Variants in TBX15 observed in about 807,000 individuals in gnomAD.
TBX15 encodes T-box transcription factor TBX15.
Under a neutral mutation model 53.9 loss-of-function variants are expected in TBX15, and 18 were observed. The observed-to-expected ratio is 0.33, with a 90% CI of 0.23 to 0.49. The LOEUF is 0.49. Among genes scored for constraint, TBX15 ranks in the 20% least tolerant of loss-of-function variants. The probability of loss-of-function intolerance (pLI) is 0.98; values close to 1 mark genes in which losing one functional copy is unlikely to be tolerated. For synonymous variants in TBX15, 295 were observed against 278.0 expected, an observed-to-expected ratio of 1.06 and a Z score of -0.61; for missense variants, 692 against 749.5, an observed-to-expected ratio of 0.92 and a Z score of 0.90.
intron 1 of TBX15, among the ~76,000 whole-genome samples, chr1:118,938,017 G>A (rs574539070): frequency 2.0e-5 from 3 of 152,244 alleles, no homozygotes; most frequent in African/African-American, 7.2e-5. Context: ...AGATTTTATC[G>A]AGTATCTTAG....
intron 1 of TBX15, among the ~76,000 whole-genome samples, chr1:118,933,659 G>A (rs1260629622): frequency 3.3e-5 from 5 of 152,068 alleles, no homozygotes; most frequent in African/African-American, 1.2e-4. Flanking sequence ...CAGTAGCAGA[G>A]CCATTATATC....
At chr1:118,942,362 G>A (rs1750334) in intron 1 of TBX15, among the ~76,000 whole-genome samples, 9,452 of 152,208 alleles carry the variant, frequency 0.062, 346 homozygotes, top group Middle Eastern at 0.12. Context: ...AAATGTTTTC[G>A]TTGAATGAAT....
intron 1 of TBX15, among the ~76,000 whole-genome samples, chr1:118,958,928 C>A (rs967913524): frequency 2.0e-5 from 3 of 151,826 alleles, no homozygotes; most frequent in African/African-American, 7.3e-5. Context: ...GGGTAGAAGA[C>A]CGTGCTTATT....
chr1:118,920,764 C>T (rs1571175254), intron 5 of TBX15, among the ~76,000 whole-genome samples: 2 of 152,088 alleles, frequency 1.3e-5, no homozygotes, highest in Non-Finnish European at 2.9e-5. Context: ...AGGAACAGAA[C>T]AAGGGCAAAA....
chr1:118,899,162 A>G (rs779808141), intron 6 of TBX15, 37 bp from the exon 7 acceptor site: 39 of 1,574,028 alleles, frequency 2.5e-5, no homozygotes, highest in Admixed American at 1.0e-4. Context: ...AGTCATAAAT[A>G]ATTTCAAGAA....
chr1:118,958,192 G>A (rs998961840), intron 1 of TBX15, among the ~76,000 whole-genome samples: 2 of 152,200 alleles, frequency 1.3e-5, no homozygotes, highest in Admixed American at 6.5e-5. Context: ...AGTCATAAGG[G>A]TAGGGGTTGG....
At chr1:118,961,908 G>C (rs933660884) in intron 1 of TBX15, among the ~76,000 whole-genome samples, 3 of 152,168 alleles carry the variant, frequency 2.0e-5, no homozygotes, top group Admixed American at 6.5e-5. Context: ...GGTACCTATT[G>C]GTACCCATGC....
At chr1:118,888,365 C>G (rs1654020839) in intron 7 of TBX15, among the ~76,000 whole-genome samples, 1 of 152,192 alleles carries the variant, frequency 6.6e-6, no homozygotes, top group Non-Finnish European at 1.5e-5. Context: ...ACAACAAGTA[C>G]TTTCCATGGA....
At chr1:118,959,573 T>A (rs1656798556) in intron 1 of TBX15, among the ~76,000 whole-genome samples, 1 of 152,184 alleles carries the variant, frequency 6.6e-6, no homozygotes, top group Non-Finnish European at 1.5e-5. Flanking sequence ...CCTGTTTCAC[T>A]GCTGTTGTGT....
At chr1:118,979,770 C>T (rs956593228) in intron 1 of TBX15, among the ~76,000 whole-genome samples, 2 of 151,796 alleles carry the variant, frequency 1.3e-5, no homozygotes, top group African/African-American at 4.8e-5. Flanking sequence ...TTCCGGGTCC[C>T]GGGTTTCCAG....
At position 118,923,417 on chromosome 1, in the gene TBX15, C is replaced by G. The variant is rs778296371; in HGVS notation, c.861+19G>C. On this transcript the variant is annotated intron_variant, in intron 5 of 7. Transcript: ENST00000369429. Reference sequence around the variant, plus strand: ...CAAAAAACAGATGTAGCAGAAGACTCTCAAGGGCCACCTCTTACCTGCTGA... The same window carrying G: ...CAAAAAACAGATGTAGCAGAAGACTGTCAAGGGCCACCTCTTACCTGCTGA... 13 of 1,613,626 alleles carry G rather than the reference C, an allele frequency of 8.1e-6. No homozygotes were observed. Among genetic ancestry groups the G allele is most frequent in the Non-Finnish European group, 1.0e-5 (12 of 1,179,776 alleles).
At chr1:118,931,902 G>C (rs749404366) in intron 1 of TBX15, 70 bp from the exon 2 acceptor site, 1,027 of 1,479,232 alleles carry the variant, frequency 6.9e-4, no homozygotes, top group Non-Finnish European at 9.1e-4. Flanking sequence ...CCTAAAAGAT[G>C]GGGGTGGGAA....
At chr1:118,953,090 A>AAC (rs1553225775) in intron 1 of TBX15, among the ~76,000 whole-genome samples, 7 of 151,628 alleles carry the variant, frequency 4.6e-5, no homozygotes, top group Non-Finnish European at 7.4e-5. Context: ...AAAAAAAAAA[A>AAC]ATACACCTGT....
At chr1:118,955,573 C>T (rs1430482224) in intron 1 of TBX15, among the ~76,000 whole-genome samples, 1 of 152,136 alleles carries the variant, frequency 6.6e-6, no homozygotes, top group Admixed American at 6.5e-5. Context: ...AAACCTTGGT[C>T]TGCTTTTCTG....
At chr1:118,902,676 T>A (rs1480109100) in intron 6 of TBX15, among the ~76,000 whole-genome samples, 1 of 152,164 alleles carries the variant, frequency 6.6e-6, no homozygotes, top group Non-Finnish European at 1.5e-5. Context: ...AGGTTTGCAT[T>A]TTCCTTGTCT....
At position 118,954,790 on chromosome 1, in the gene TBX15, C is replaced by T. The variant is rs1656625852; in HGVS notation, c.206-22958G>A. On this transcript the variant is annotated intron_variant, in intron 1 of 7. Coordinates refer to ENST00000369429, the MANE Select transcript of TBX15 (RefSeq NM_001330677.2). ...ATTCATTCCAGGTTGGGGGATTTCC[C>T]TAATCCAAATGTTGGTATCCACAAC... 4.6e-5 allele frequency among the ~76,000 whole-genome samples: 7 copies of T among 152,150 alleles called. No homozygotes were observed. The South Asian group carries it at 1.5e-3, about 32-fold the overall frequency.
rs72705350 is a variant in TBX15, at chr1:118,957,302, G to A, written c.206-25470C>T. Among the ~76,000 whole-genome samples the A allele has an allele frequency of 9.3e-3, 1,416 of 152,260 alleles. 12 individuals are homozygous for A. Among genetic ancestry groups the A allele is most frequent in the Non-Finnish European group, 0.014 (952 of 68,016 alleles). On this transcript the variant is annotated intron_variant, in intron 1 of 7. Transcript: ENST00000369429. ...AGTGAGGGTCAGACCTTGCCCCTTT[G>A]ACTTAGAGTAATGCCTTGGCCCACT...
chr1:118,926,371 G>T, intron 3 of TBX15, 139 bp downstream of exon 3: 2 of 799,862 alleles, frequency 2.5e-6, no homozygotes, highest in Non-Finnish European at 4.2e-6. Flanking sequence ...CTGGTGCTCT[G>T]CCACAGGCCA....
intron 2 of TBX15, among the ~76,000 whole-genome samples, chr1:118,930,412 G>A (rs6669234): frequency 0.22 from 33,414 of 152,060 alleles, 4,243 homozygotes; most frequent in East Asian, 0.54. Context: ...TTATTTATTT[G>A]TTTGTTTATT....
Sources: allele counts gnomAD v4.1 joint callset (sites outside exome capture counted in the v4.1 genomes callset), GRCh38; gene constraint gnomAD v4.1.1; transcripts MANE v1.5; gene names NCBI Gene and HGNC (gene_info 2026-07-23, HGNC 2026-07-21).